MID1: variants seen among roughly 807,000 people sequenced by gnomAD.
MID1 encodes E3 ubiquitin-protein ligase Midline-1.
MID1 carries 7 observed loss-of-function variants against 40.4 expected under a neutral mutation model. The observed-to-expected ratio is 0.17, with a 90% confidence interval of 0.10 to 0.33. The LOEUF is 0.33. Among genes scored for constraint, MID1 ranks in the 10% least tolerant of loss-of-function variants. MID1 has a pLI of 1.00. For missense variants in MID1, 367 were observed against 558.5 expected, an observed-to-expected ratio of 0.66 and a Z score of 3.46; for synonymous variants, 229 against 221.2, an observed-to-expected ratio of 1.04 and a Z score of -0.31.
At chrX:10,739,326 G>A in intron 1 of MID1, among the ~76,000 whole-genome samples, 1 of 111,715 alleles carries the variant, frequency 9.0e-6, no homozygotes, top group Non-Finnish European at 1.9e-5. Context: ...CCTTCCTTGA[G>A]GAATGGTAAG....
At chrX:10,508,243 T>A (rs756855829) in intron 3 of MID1, among the ~76,000 whole-genome samples, 12 of 112,289 alleles carry the variant, frequency 1.1e-4, no homozygotes, top group Non-Finnish European at 1.7e-4. Context: ...TCTAGAGCTG[T>A]GTGGTCCAAT....
intron 1 of MID1, among the ~76,000 whole-genome samples, chrX:10,596,222 GATC>G (rs1935408383): frequency 9.0e-6 from 1 of 111,320 alleles, no homozygotes; most frequent in African/African-American, 3.3e-5. Flanking sequence ...CTGACATCTG[GATC>G]ATATTGGCAA....
At chrX:10,780,291 T>A (rs2043836852) in intron 1 of MID1, among the ~76,000 whole-genome samples, 2 of 111,762 alleles carry the variant, frequency 1.8e-5, no homozygotes, top group Admixed American at 1.9e-4. Flanking sequence ...ATTCATGTAC[T>A]CATAACATGA....
intron 4 of MID1, among the ~76,000 whole-genome samples, chrX:10,492,717 C>T (rs1297548107): frequency 8.9e-6 from 1 of 112,319 alleles, no homozygotes; most frequent in Non-Finnish European, 1.9e-5. Context: ...TGGCCTCTTC[C>T]AGACCAAATC....
intron 1 of MID1, among the ~76,000 whole-genome samples, chrX:10,711,902 G>A (rs186850791): frequency 8.9e-6 from 1 of 112,126 alleles, no homozygotes; most frequent in East Asian, 2.8e-4. Context: ...CCACAACTCA[G>A]TGGGAGAAGA....
At chrX:10,591,958 C>A (rs1393589151) in intron 1 of MID1, among the ~76,000 whole-genome samples, 2 of 110,928 alleles carry the variant, frequency 1.8e-5, no homozygotes. Flanking sequence ...AAACACCAGA[C>A]CTTACAACAA....
chrX:10,720,854 A>T (rs1259437159), intron 1 of MID1, among the ~76,000 whole-genome samples: 2 of 110,236 alleles, frequency 1.8e-5, no homozygotes, highest in South Asian at 7.9e-4. Context: ...TACACCATGG[A>T]ATACTATGCA....
intron 1 of MID1, among the ~76,000 whole-genome samples, chrX:10,771,488 AT>A (rs1260696973): frequency 3.8e-5 from 4 of 106,086 alleles, no homozygotes; most frequent in Non-Finnish European, 7.7e-5. Flanking sequence ...ATTTTTTCAC[AT>A]TTATCTATGT....
At chrX:10,494,014 A>G (rs1261863151) in intron 4 of MID1, among the ~76,000 whole-genome samples, 1 of 112,202 alleles carries the variant, frequency 8.9e-6, no homozygotes, top group Non-Finnish European at 1.9e-5. Flanking sequence ...TGATGATGGA[A>G]GATGAAATAT....
chrX:10,795,400 T>C (rs889598723), intron 1 of MID1, among the ~76,000 whole-genome samples: 16 of 112,613 alleles, frequency 1.4e-4, no homozygotes, highest in African/African-American at 4.5e-4. Flanking sequence ...GAGTGGTGGA[T>C]GTTGCTCAGT....
At chrX:10,582,252 T>C (rs1259584335) in intron 1 of MID1, among the ~76,000 whole-genome samples, 1 of 111,183 alleles carries the variant, frequency 9.0e-6, no homozygotes, top group African/African-American at 3.3e-5. Context: ...GAAGACATTG[T>C]CTTTAATATA....
intron 1 of MID1, among the ~76,000 whole-genome samples, chrX:10,662,219 T>G (rs112360260): frequency 2.0e-4 from 22 of 111,355 alleles, no homozygotes; most frequent in South Asian, 3.8e-4. Flanking sequence ...CAGGAGAATC[T>G]CTTGAACCGG....
chrX:10,658,972 T>G (rs1407741822), intron 1 of MID1, among the ~76,000 whole-genome samples: 1 of 112,159 alleles, frequency 8.9e-6, no homozygotes, highest in East Asian at 2.8e-4. Flanking sequence ...TATATTAACA[T>G]GTGCATAAAA....
chrX:10,755,029 T>C (rs2043623699), intron 1 of MID1, among the ~76,000 whole-genome samples: 1 of 111,576 alleles, frequency 9.0e-6, no homozygotes, highest in Admixed American at 9.6e-5. Context: ...CAGGAAAAGT[T>C]TGAAAAAGTA....
chrX:10,674,971 T>C (rs1310787887), intron 1 of MID1, among the ~76,000 whole-genome samples: 1 of 112,697 alleles, frequency 8.9e-6, no homozygotes, highest in African/African-American at 3.2e-5. Flanking sequence ...AGAAACTGTA[T>C]TTAAATAGTT....
intron 9 of MID1, among the ~76,000 whole-genome samples, chrX:10,450,710 G>A (rs760453363): frequency 8.9e-6 from 1 of 111,745 alleles, no homozygotes; most frequent in African/African-American, 3.3e-5. Flanking sequence ...TTGAGCAGAC[G>A]GATCTTCTGG....
chrX:10,534,632 C>A (rs1301250706), intron 2 of MID1, among the ~76,000 whole-genome samples: 1 of 111,792 alleles, frequency 8.9e-6, no homozygotes, highest in Non-Finnish European at 1.9e-5. Flanking sequence ...ACATGATCAG[C>A]TTTGTTCTTG....
intron 1 of MID1, among the ~76,000 whole-genome samples, chrX:10,675,856 G>A (rs1209410924): frequency 3.6e-5 from 4 of 111,041 alleles, no homozygotes; most frequent in Admixed American, 1.9e-4. Flanking sequence ...CTGACTCTAG[G>A]GCAGCTTCCT....
chrX:10,775,241 G>A (rs374132793), intron 1 of MID1, among the ~76,000 whole-genome samples: 4 of 110,488 alleles, frequency 3.6e-5, no homozygotes, highest in Non-Finnish European at 7.6e-5. Flanking sequence ...GAATGAAGAA[G>A]AGAATGTGAT....
Sources: allele counts gnomAD v4.1 joint callset (sites outside exome capture counted in the v4.1 genomes callset), GRCh38; gene constraint gnomAD v4.1.1; transcripts MANE v1.5; gene names NCBI Gene and HGNC (gene_info 2026-07-23, HGNC 2026-07-21).